TTLL5: variants seen among roughly 807,000 people sequenced by gnomAD.
The protein encoded by TTLL5 is tubulin polyglutamylase TTLL5.
Under a neutral mutation model 168.4 loss-of-function variants are expected in TTLL5, and 132 were observed. That is an observed-to-expected ratio of 0.78 (90% CI 0.68 to 0.91). TTLL5 has a LOEUF of 0.91. TTLL5 is among the 40% of genes least tolerant of loss of function. TTLL5 has a pLI of 0.00. For missense variants in TTLL5, 1,545 were observed against 1,581.5 expected, an observed-to-expected ratio of 0.98 and a Z score of 0.39; for synonymous variants, 546 against 558.6, an observed-to-expected ratio of 0.98 and a Z score of 0.32.
intron 17 of TTLL5, among the ~76,000 whole-genome samples, chr14:75,750,247 G>T (rs1485807618): frequency 1.3e-5 from 2 of 151,826 alleles, no homozygotes; most frequent in Non-Finnish European, 2.9e-5. Context: ...GCATATCAGG[G>T]AAGGCTTTGT....
rs144769068 is a variant in TTLL5 at position 75,690,309 on chromosome 14, C to T, written c.489C>T (p.Tyr163=). The T allele has an allele frequency of 2.7e-5, 43 of 1,606,548 alleles. No homozygotes were observed. The highest frequency in any genetic ancestry group is 1.6e-4 in the Middle Eastern group (1 of 6,062). ...AGACCTTCCTCCTGCCAGCTGAGTA[C>T]GCGGAATTTTGTAGTAAGTGCTTGA... ...LPQTFLLPAE[Y]AEFCNSYSKD... is the part of the protein sequence containing the mutation. The change falls in exon 6 of 32, where the codon TAC becomes TAT. Residue 163 remains tyrosine (Y), a synonymous_variant. Coordinates refer to ENST00000298832, the MANE Select transcript of TTLL5 (RefSeq NM_015072.5).
intron 31 of TTLL5, among the ~76,000 whole-genome samples, chr14:75,935,571 A>G (rs1299008939): frequency 1.3e-5 from 2 of 152,244 alleles, no homozygotes; most frequent in Non-Finnish European, 2.9e-5. Flanking sequence ...GACCCACACT[A>G]AAAAGATGTG....
intron 12 of TTLL5, among the ~76,000 whole-genome samples, chr14:75,726,592 A>T (rs2140219784): frequency 6.6e-6 from 1 of 152,272 alleles, no homozygotes; most frequent in East Asian, 1.9e-4. Context: ...AATATATAAG[A>T]TTTACTAGCT....
At position 75,726,442 on chromosome 14, in the gene TTLL5, C is replaced by T. The variant is rs146523427; in HGVS notation, c.1042+5739C>T. 1.7e-4 allele frequency among the ~76,000 whole-genome samples: 26 copies of T among 152,116 alleles called. No homozygotes were observed. The East Asian group carries it at 3.7e-3, about 21-fold the overall frequency. On this transcript the variant is annotated intron_variant, in intron 12 of 31. Coordinates refer to ENST00000298832, the MANE Select transcript of TTLL5 (RefSeq NM_015072.5). ...TTCATTCAGTATTTCTGAAGTATTTCCTATGTGCTAGTTATGGTGCAGGCT... is the reference window on the plus strand; with the variant it reads ...TTCATTCAGTATTTCTGAAGTATTTTCTATGTGCTAGTTATGGTGCAGGCT...
intron 7 of TTLL5, among the ~76,000 whole-genome samples, chr14:75,704,882 T>C (rs1264400892): frequency 6.6e-6 from 1 of 152,198 alleles, no homozygotes; most frequent in Non-Finnish European, 1.5e-5. Context: ...TAAATGTGTA[T>C]GGTGAGCAAG....
intron 27 of TTLL5, among the ~76,000 whole-genome samples, chr14:75,810,054 T>C (rs1213941843): frequency 6.6e-6 from 1 of 152,216 alleles, no homozygotes; most frequent in Non-Finnish European, 1.5e-5. Context: ...ACCTGTATAC[T>C]GTTTTCCATA....
intron 28 of TTLL5, among the ~76,000 whole-genome samples, chr14:75,857,570 T>C (rs1332574977): frequency 1.3e-5 from 2 of 151,696 alleles, no homozygotes; most frequent in East Asian, 3.9e-4. Flanking sequence ...GTTGGGAAGT[T>C]TTTTTTTTCT....
At chr14:75,825,962 C>T (rs932551833) in intron 28 of TTLL5, among the ~76,000 whole-genome samples, 3 of 151,996 alleles carry the variant, frequency 2.0e-5, no homozygotes, top group African/African-American at 4.8e-5. Context: ...CCTCCTTCAC[C>T]GAGAGAGCTG....
chr14:75,930,564 A>G lies in TTLL5; in HGVS notation c.3824-23860A>G, dbSNP rs560028084. ...TGAATAAAGGATAATCAGCCTGTAT[A>G]TATTATTAATTAAATATCTACTGAC... On this transcript the variant is annotated intron_variant, in intron 31 of 31. Coordinates refer to ENST00000298832, the MANE Select transcript of TTLL5 (RefSeq NM_015072.5). 28 of 971,850 alleles carry G rather than the reference A, an allele frequency of 2.9e-5. No homozygotes were observed. In the African/African-American group the frequency reaches 4.5e-4, roughly 16 times the overall value. The allele number at this position is 971,850 out of a possible 1,614,324, so 60.2% of individuals were successfully genotyped here. A position where few individuals can be genotyped will look rare whatever the true frequency, so the allele number is the denominator to read the frequency against.
At chr14:75,944,249 T>C (rs1435604483) in intron 31 of TTLL5, among the ~76,000 whole-genome samples, 2 of 152,214 alleles carry the variant, frequency 1.3e-5, no homozygotes, top group African/African-American at 4.8e-5. Context: ...CTTCCGCCGG[T>C]AACATACTTT....
intron 28 of TTLL5, among the ~76,000 whole-genome samples, chr14:75,852,661 T>TA (rs1007718270): frequency 2.0e-5 from 3 of 151,744 alleles, no homozygotes; most frequent in Admixed American, 6.6e-5. Context: ...ACTCAAAGGT[T>TA]AAAAAAAAAT....
At chr14:75,928,233 T>C (rs367898156) in intron 31 of TTLL5, among the ~76,000 whole-genome samples, 1 of 151,568 alleles carries the variant, frequency 6.6e-6, no homozygotes, top group Non-Finnish European at 1.5e-5. Context: ...TTAGCAAAGA[T>C]AGTGAGAAAG....
rs74681235 is a variant in TTLL5, at chr14:75,683,146, A to G, written c.265-404A>G. Among the ~76,000 whole-genome samples, 1,423 of 152,250 alleles carry G rather than the reference A, an allele frequency of 9.3e-3. 28 individuals are homozygous for G. The highest frequency in any genetic ancestry group is 0.033 in the African/African-American group (1,352 of 41,516). On this transcript the variant is annotated intron_variant, in intron 4 of 31. Coordinates refer to ENST00000298832, the MANE Select transcript of TTLL5 (RefSeq NM_015072.5). ...TTTCTGGCACTTAACATGGCGCCTT[A>G]TTGTTGAATTAATGGACAAAAGAAT...
At chr14:75,722,032 G>T (rs1438761491) in intron 12 of TTLL5, among the ~76,000 whole-genome samples, 1 of 151,918 alleles carries the variant, frequency 6.6e-6, no homozygotes, top group Non-Finnish European at 1.5e-5. Context: ...TGACCTGAAA[G>T]GCTTCTAAGG....
intron 29 of TTLL5, among the ~76,000 whole-genome samples, chr14:75,872,208 T>G (rs1394158960): frequency 6.6e-6 from 1 of 152,244 alleles, no homozygotes. Context: ...ACAATAATTT[T>G]TTTTCAAACT....
At position 75,757,141 on chromosome 14, in the gene TTLL5, C is replaced by T. The variant is rs142933662; in HGVS notation, c.1550+4186C>T. 7.0e-3 allele frequency among the ~76,000 whole-genome samples: 1,068 copies of T among 152,194 alleles called. 12 individuals carry two copies. Among genetic ancestry groups the T allele is most frequent in the African/African-American group, 0.025 (1,019 of 41,514 alleles). On this transcript the variant is annotated intron_variant, in intron 18 of 31. Coordinates refer to ENST00000298832, the MANE Select transcript of TTLL5 (RefSeq NM_015072.5). ...TACAGGTGCACGCCACCACGCCTGG[C>T]TGATTTTCTGTATTTTAGTAGAGAC...
chr14:75,781,344 T>C (rs1892037872), intron 24 of TTLL5, among the ~76,000 whole-genome samples: 1 of 152,166 alleles, frequency 6.6e-6, no homozygotes, highest in African/African-American at 2.4e-5. Flanking sequence ...ATTATGACAT[T>C]TGATAGTATA....
intron 21 of TTLL5, among the ~76,000 whole-genome samples, chr14:75,774,226 C>T: frequency 6.6e-6 from 1 of 152,054 alleles, no homozygotes; most frequent in East Asian, 1.9e-4. Flanking sequence ...CTTATAAAAT[C>T]TCTCTTTGAA....
At chr14:75,913,250 G>A (rs977764426) in intron 31 of TTLL5, among the ~76,000 whole-genome samples, 1 of 152,078 alleles carries the variant, frequency 6.6e-6, no homozygotes, top group African/African-American at 2.4e-5. Flanking sequence ...AGTTTCCTCT[G>A]CCTAGGCACC....
Sources: gnomAD v4.1 joint callset for allele counts (sites outside exome capture counted in the v4.1 genomes callset) on GRCh38, gnomAD v4.1.1 for gene constraint, MANE v1.5 for transcripts, NCBI Gene and HGNC (gene_info 2026-07-23, HGNC 2026-07-21) for gene names.